Variants in SOX6 observed in about 807,000 individuals in gnomAD.
SOX6 encodes SRY-box transcription factor 6.
Under a neutral mutation model 97.8 loss-of-function variants are expected in SOX6, and 11 were observed. The ratio of observed to expected loss-of-function variants is 0.11; its 90% CI spans 0.07 to 0.19. The LOEUF is 0.19. Among genes scored for constraint, SOX6 ranks in the 10% least tolerant of loss-of-function variants. The probability of loss-of-function intolerance (pLI) is 1.00; values close to 1 mark genes in which losing one functional copy is unlikely to be tolerated. For missense variants in SOX6, 810 were observed against 1,039.5 expected (o/e 0.78, Z 3.04); for synonymous variants, 360 against 371.4 (o/e 0.97, Z 0.35).
chr11:16,305,942 G>C (rs1170847538), intron 3 of SOX6, among the ~76,000 whole-genome samples: 1 of 152,128 alleles, frequency 6.6e-6, no homozygotes, highest in Non-Finnish European at 1.5e-5. Flanking sequence ...GAAGGTGAGG[G>C]ATGCTGGCAT....
intron 9 of SOX6, among the ~76,000 whole-genome samples, chr11:16,077,563 C>T (rs1042008916): frequency 2.0e-5 from 3 of 152,078 alleles, no homozygotes; most frequent in Admixed American, 6.5e-5. Context: ...AACCTAAATG[C>T]CCGTCATAGT....
At chr11:16,611,961 C>T (rs1050172795) in intron 4 of SOX6, 2 of 152,536 alleles carry the variant, frequency 1.3e-5, no homozygotes, top group Non-Finnish European at 2.9e-5. Flanking sequence ...TACAGACATG[C>T]CTTTCCTAGC....
At chr11:16,277,477 T>C (rs767951660) in intron 3 of SOX6, among the ~76,000 whole-genome samples, 10 of 152,154 alleles carry the variant, frequency 6.6e-5, no homozygotes, top group Non-Finnish European at 1.3e-4. Context: ...ATCCTGTCTG[T>C]GGTATTTTGT....
intron 13 of SOX6, among the ~76,000 whole-genome samples, chr11:16,002,492 A>G (rs1210927862): frequency 1.3e-5 from 2 of 152,156 alleles, no homozygotes; most frequent in Admixed American, 6.6e-5. Flanking sequence ...CAGCTGGGAT[A>G]ACTTATATTC....
intron 10 of SOX6, 82 bp from the exon 11 acceptor site, chr11:16,050,020 C>G (rs549088221): frequency 7.1e-7 from 1 of 1,399,808 alleles, no homozygotes; most frequent in Admixed American, 1.7e-5. Context: ...AGTTATTTTA[C>G]ACCTCAGAGA....
chr11:16,263,480 T>C (rs1853964039), intron 3 of SOX6, among the ~76,000 whole-genome samples: 2 of 152,098 alleles, frequency 1.3e-5, no homozygotes, highest in South Asian at 4.1e-4. Flanking sequence ...AATAGAATCC[T>C]TGATACACCT....
At chr11:16,225,198 CT>C (rs1303491651) in intron 4 of SOX6, among the ~76,000 whole-genome samples, 1 of 151,752 alleles carries the variant, frequency 6.6e-6, no homozygotes, top group Non-Finnish European at 1.5e-5. Context: ...TGTTTTGATA[CT>C]TTTTTCTAAA....
At chr11:16,337,004 A>G (rs1360427157) in intron 2 of SOX6, among the ~76,000 whole-genome samples, 1 of 152,110 alleles carries the variant, frequency 6.6e-6, no homozygotes, top group Non-Finnish European at 1.5e-5. Flanking sequence ...CATAGTACTT[A>G]TCATTGTCTG....
chr11:16,149,888 T>C (rs898198029), intron 6 of SOX6, among the ~76,000 whole-genome samples: 1 of 152,164 alleles, frequency 6.6e-6, no homozygotes, highest in African/African-American at 2.4e-5. Flanking sequence ...CATGTACACA[T>C]ACCAGCAGAA....
chr11:16,733,119 A>G (rs569748930), intron 2 of SOX6, among the ~76,000 whole-genome samples: 1 of 152,224 alleles, frequency 6.6e-6, no homozygotes, highest in Admixed American at 6.5e-5. Flanking sequence ...ACGCTTTTAC[A>G]CTGTTGGTGA....
intron 9 of SOX6, among the ~76,000 whole-genome samples, chr11:16,083,554 A>G (rs1454172153): frequency 6.6e-6 from 1 of 152,216 alleles, no homozygotes; most frequent in African/African-American, 2.4e-5. Context: ...AGCATGAGAT[A>G]TACTGTCCTC....
chr11:16,305,899 G>A (rs1345695628), intron 3 of SOX6, among the ~76,000 whole-genome samples: 1 of 151,940 alleles, frequency 6.6e-6, no homozygotes, highest in Non-Finnish European at 1.5e-5. Flanking sequence ...TAGAAGTAAA[G>A]AACATATTAG....
upstream of SOX6, among the ~76,000 whole-genome samples, chr11:16,480,402 T>TA (rs146655614): frequency 0.12 from 18,209 of 152,030 alleles, 1,226 homozygotes; most frequent in Non-Finnish European, 0.15. Context: ...AATATTAGTT[T>TA]AAAAAACCCT....
chr11:16,516,203 T>G (rs1015433816), intron 4 of SOX6, among the ~76,000 whole-genome samples: 10 of 151,496 alleles, frequency 6.6e-5, no homozygotes, highest in Non-Finnish European at 1.2e-4. Context: ...TTCCATTTGT[T>G]TGTATCCTCT....
chr11:15,997,067 C>A (rs1375649508), intron 13 of SOX6, among the ~76,000 whole-genome samples: 4 of 151,828 alleles, frequency 2.6e-5, no homozygotes, highest in African/African-American at 9.7e-5. Context: ...TAGATACTAC[C>A]CATATTACAA....
At chr11:16,132,048 GA>G (rs998895219) in intron 6 of SOX6, among the ~76,000 whole-genome samples, 2 of 151,132 alleles carry the variant, frequency 1.3e-5, no homozygotes, top group African/African-American at 4.9e-5. Context: ...CATAAAGCAG[GA>G]AAAAAATTGT....
intron 6 of SOX6, among the ~76,000 whole-genome samples, chr11:16,165,291 C>T (rs1850858379): frequency 6.6e-6 from 1 of 152,144 alleles, no homozygotes; most frequent in Non-Finnish European, 1.5e-5. Context: ...ATGATTATTG[C>T]TCAAATGTCT....
At chr11:16,192,454 G>A (rs974625543) in intron 4 of SOX6, among the ~76,000 whole-genome samples, 4 of 151,766 alleles carry the variant, frequency 2.6e-5, no homozygotes, top group Non-Finnish European at 4.4e-5. Context: ...TCAATAATGC[G>A]TAAATAAGGA....
At chr11:16,145,516 G>C (rs999758276) in intron 6 of SOX6, among the ~76,000 whole-genome samples, 1 of 152,160 alleles carries the variant, frequency 6.6e-6, no homozygotes, top group Admixed American at 6.5e-5. Context: ...TCAGGCAGGA[G>C]AAAGAAATAA....
Sources: allele counts gnomAD v4.1 joint callset (sites outside exome capture counted in the v4.1 genomes callset), GRCh38; gene constraint gnomAD v4.1.1; transcripts MANE v1.5; gene names NCBI Gene and HGNC (gene_info 2026-07-23, HGNC 2026-07-21).